DCLK1: variants seen among roughly 807,000 people sequenced by gnomAD.
DCLK1 encodes the protein doublecortin like kinase 1.
Under a neutral mutation model 86.2 loss-of-function variants are expected in DCLK1, and 16 were observed. That is an observed-to-expected ratio of 0.19 (90% confidence interval 0.13 to 0.28). DCLK1 has a LOEUF of 0.28. Ranked by LOEUF, DCLK1 falls within the 10% of genes least tolerant of loss-of-function variation. The pLI is 1.00. For missense variants in DCLK1, 590 were observed against 940.2 expected, an observed-to-expected ratio of 0.63 and a Z score of 4.87; for synonymous variants, 369 against 370.5, an observed-to-expected ratio of 1.00 and a Z score of 0.05.
At chr13:35,984,138 C>T (rs990032996) in intron 3 of DCLK1, among the ~76,000 whole-genome samples, 1 of 152,176 alleles carries the variant, frequency 6.6e-6, no homozygotes, top group Non-Finnish European at 1.5e-5. Context: ...TTTTTACAAC[C>T]AGAGCCTAAA....
At chr13:35,834,367 G>A (rs891662320) in intron 8 of DCLK1, among the ~76,000 whole-genome samples, 2 of 152,150 alleles carry the variant, frequency 1.3e-5, no homozygotes, top group Middle Eastern at 3.2e-3. Flanking sequence ...CTAAGCCAGA[G>A]TCTTATGGGA....
At chr13:35,959,247 G>T (rs924743974) in intron 3 of DCLK1, among the ~76,000 whole-genome samples, 4 of 151,974 alleles carry the variant, frequency 2.6e-5, no homozygotes, top group Admixed American at 2.6e-4. Context: ...GAGTAACATG[G>T]GGCTGGTTTC....
intron 4 of DCLK1, among the ~76,000 whole-genome samples, chr13:35,931,096 A>T (rs1876406920): frequency 2.6e-5 from 4 of 152,200 alleles, no homozygotes; most frequent in African/African-American, 9.7e-5. Context: ...TGTTTCCCAC[A>T]AGGAAATGTG....
At chr13:35,963,773 T>C (rs965460648) in intron 3 of DCLK1, among the ~76,000 whole-genome samples, 1 of 152,180 alleles carries the variant, frequency 6.6e-6, no homozygotes, top group Non-Finnish European at 1.5e-5. Context: ...ATGGTAGTTT[T>C]TCCTGCATTC....
intron 4 of DCLK1, among the ~76,000 whole-genome samples, chr13:35,946,688 G>C (rs1343413480): frequency 6.6e-6 from 1 of 152,126 alleles, no homozygotes; most frequent in Non-Finnish European, 1.5e-5. Flanking sequence ...ATCTTTGTTT[G>C]GTAGAATAAT....
In DCLK1 at chr13:36,050,582, C is replaced by T. The variant is rs574332176; in HGVS notation, c.723+61287G>A. On this transcript the variant is annotated intron_variant, in intron 3 of 16. Coordinates refer to ENST00000360631, the MANE Select transcript of DCLK1 (RefSeq NM_001330071.2). ...TATCCTGCCATAAAATCTACCCATT[C>T]AGGCAGTTGTGACATGTGAGGATTA... 2.2e-4 allele frequency among the ~76,000 whole-genome samples: 34 copies of T among 152,304 alleles called. No individual in the cohort carries two copies. In the South Asian group the frequency reaches 5.6e-3, roughly 25 times the overall value.
At chr13:35,912,012 A>G (rs749362582) in intron 4 of DCLK1, among the ~76,000 whole-genome samples, 11 of 152,166 alleles carry the variant, frequency 7.2e-5, no homozygotes, top group Non-Finnish European at 1.3e-4. Context: ...AATAAGGACC[A>G]CTGTACCTTC....
At chr13:36,047,474 T>C (rs955388003) in intron 3 of DCLK1, among the ~76,000 whole-genome samples, 1 of 152,214 alleles carries the variant, frequency 6.6e-6, no homozygotes, top group Non-Finnish European at 1.5e-5. Flanking sequence ...AGTATATATA[T>C]CTGCATGTAC....
At chr13:35,955,329 A>G (rs1877921918) in intron 3 of DCLK1, among the ~76,000 whole-genome samples, 1 of 152,040 alleles carries the variant, frequency 6.6e-6, no homozygotes, top group Admixed American at 6.6e-5. Flanking sequence ...CACAGCCCGG[A>G]GGCTGGAAGT....
At chr13:36,003,106 C>T (rs1175346404) in intron 3 of DCLK1, among the ~76,000 whole-genome samples, 1 of 152,192 alleles carries the variant, frequency 6.6e-6, no homozygotes, top group East Asian at 1.9e-4. Flanking sequence ...AAGCCAGTTG[C>T]ATAAACTATT....
chr13:35,792,226 C>A (rs1322110383), intron 16 of DCLK1, among the ~76,000 whole-genome samples: 2 of 152,124 alleles, frequency 1.3e-5, no homozygotes, highest in Non-Finnish European at 2.9e-5. Context: ...AGGGTTCAAT[C>A]GAGAAACACG....
At chr13:35,821,458 T>C (rs1002797334) in intron 11 of DCLK1, among the ~76,000 whole-genome samples, 11 of 152,104 alleles carry the variant, frequency 7.2e-5, no homozygotes, top group African/African-American at 2.4e-4. Flanking sequence ...GCCCAGAAAT[T>C]TGCATTTTTA....
At chr13:35,783,974 C>T (rs527251793) in intron 16 of DCLK1, among the ~76,000 whole-genome samples, 4 of 152,332 alleles carry the variant, frequency 2.6e-5, no homozygotes, top group Non-Finnish European at 4.4e-5. Context: ...TACACCCTTT[C>T]TTAGCAAAAG....
At chr13:36,049,679 C>G (rs938123947) in intron 3 of DCLK1, among the ~76,000 whole-genome samples, 4 of 152,130 alleles carry the variant, frequency 2.6e-5, no homozygotes, top group Admixed American at 6.5e-5. Context: ...ATCTGTTCCA[C>G]TATTCAAGTT....
intron 3 of DCLK1, among the ~76,000 whole-genome samples, chr13:35,953,419 T>C (rs1395774411): frequency 6.6e-6 from 1 of 152,184 alleles, no homozygotes; most frequent in Non-Finnish European, 1.5e-5. Context: ...ATTAATAGTA[T>C]ATAATAAAAA....
intron 3 of DCLK1, among the ~76,000 whole-genome samples, chr13:35,973,624 A>G (rs974184969): frequency 2.6e-5 from 4 of 152,234 alleles, no homozygotes; most frequent in Non-Finnish European, 5.9e-5. Context: ...TCAACAAATG[A>G]ATGAATAAAT....
intron 3 of DCLK1, among the ~76,000 whole-genome samples, chr13:36,000,692 A>G (rs1277081637): frequency 2.0e-5 from 3 of 152,168 alleles, no homozygotes. Context: ...GCCATCAAGA[A>G]TAATCACAAC....
intron 8 of DCLK1, 93 bp downstream of exon 8, chr13:35,835,940 T>C: frequency 1.1e-6 from 1 of 945,234 alleles, no homozygotes; most frequent in Non-Finnish European, 1.6e-6. Context: ...ACTTATTCCA[T>C]ATGTGCCACA....
rs375121317 is a variant in DCLK1 at position 35,946,016 on chromosome 13, A to G, written c.823+1342T>C. Among the ~76,000 whole-genome samples, 7 of 152,228 alleles carry G rather than the reference A, an allele frequency of 4.6e-5. No homozygotes were observed. In the East Asian group the frequency reaches 9.7e-4, roughly 21 times the overall value. ...ATTCTTATCCCTCCCTACACACTCT[A>G]AGTCATTTTTTTGGGGGACAGGGTC... On this transcript the variant is annotated intron_variant, in intron 4 of 16. Transcript: ENST00000360631.
Sources: gnomAD v4.1 joint callset for allele counts (sites outside exome capture counted in the v4.1 genomes callset) on GRCh38, gnomAD v4.1.1 for gene constraint, MANE v1.5 for transcripts, NCBI Gene and HGNC (gene_info 2026-07-23, HGNC 2026-07-21) for gene names.